Variants in PTK2B observed in about 807,000 individuals in gnomAD.
PTK2B encodes the protein protein tyrosine kinase 2 beta, also known as protein-tyrosine kinase 2-beta.
PTK2B carries 71 observed loss-of-function variants against 142.9 expected under a neutral mutation model. The ratio of observed to expected loss-of-function variants is 0.50; its 90% CI spans 0.41 to 0.61. The LOEUF (loss-of-function observed/expected upper bound fraction) is 0.61, where lower values mean the gene tolerates loss of function less well. Ranked by LOEUF, PTK2B falls within the 20% of genes least tolerant of loss-of-function variation. The pLI is 0.00. For missense variants in PTK2B, 1,105 were observed against 1,320.4 expected (o/e 0.84, Z 2.53); for synonymous variants, 519 against 503.4 (o/e 1.03, Z -0.42).
At chr8:27,419,498 C>T (rs1210883940) in intron 2 of PTK2B, among the ~76,000 whole-genome samples, 1 of 152,158 alleles carries the variant, frequency 6.6e-6, no homozygotes, top group Non-Finnish European at 1.5e-5. Context: ...CTGCAAAGGG[C>T]CTAGCAGTGC....
chr8:27,432,309 C>T lies in PTK2B; in HGVS notation c.935C>T (p.Pro312Leu), dbSNP rs746852655. 46 of 1,613,946 alleles carry T rather than the reference C, an allele frequency of 2.9e-5. No homozygotes were observed. Among genetic ancestry groups the T allele is most frequent in the Admixed American group, 1.7e-4 (10 of 59,998 alleles). ...FKQIRSIRCL[P>L]LEEGQAVLQL... ...CAGATCAGGTCCATCAGGTGCCTCC[C>T]GCTGGAGGAGGGCCAGGCAGTACTT... The change falls in exon 10 of 31, where the codon CCG becomes CTG. Residue 312 changes from proline to leucine, a missense_variant. By Grantham distance (98) the Pro-to-Leu change is moderately conservative (BLOSUM62 -3). Transcript: ENST00000346049.
At chr8:27,419,705 C>T (rs1809624052) in intron 2 of PTK2B, among the ~76,000 whole-genome samples, 190 bp from the exon 3 acceptor site, 1 of 152,326 alleles carries the variant, frequency 6.6e-6, no homozygotes, top group East Asian at 1.9e-4. Context: ...CCTCATTTCA[C>T]CCATTTGTCA....
chr8:27,420,489 G>T (rs555686102), intron 3 of PTK2B, among the ~76,000 whole-genome samples, 168 bp from the exon 4 acceptor site: 2 of 152,168 alleles, frequency 1.3e-5, no homozygotes, highest in African/African-American at 4.8e-5. Context: ...CAGCCCAACC[G>T]CAGAGGAGGG....
chr8:27,403,540 G>A (rs74800977), intron 2 of PTK2B, among the ~76,000 whole-genome samples: 1 of 152,148 alleles, frequency 6.6e-6, no homozygotes, highest in Non-Finnish European at 1.5e-5. Flanking sequence ...TGCTCTTCTG[G>A]ATTTTCTATT....
chr8:27,425,081 A>G (rs1809995601), intron 5 of PTK2B, among the ~76,000 whole-genome samples: 2 of 121,276 alleles, frequency 1.6e-5, no homozygotes, highest in African/African-American at 6.8e-5. Context: ...ACTATAAAAC[A>G]CGTTATGTTT....
At chr8:27,324,106 C>T (rs962758664), upstream of PTK2B, among the ~76,000 whole-genome samples, 2 of 152,228 alleles carry the variant, frequency 1.3e-5, no homozygotes, top group African/African-American at 4.8e-5. Flanking sequence ...GTCAGATGCC[C>T]TCTGACCATG....
At chr8:27,350,037 G>T (rs986749394) in intron 1 of PTK2B, among the ~76,000 whole-genome samples, 1 of 152,220 alleles carries the variant, frequency 6.6e-6, no homozygotes, top group Non-Finnish European at 1.5e-5. Context: ...ATCCTAGCAT[G>T]GAAATGTATA....
Position 27,430,973 on chromosome 8 carries a change from G to A in PTK2B, c.767G>A (p.Gly256Asp). Residue 256 changes from glycine (G) to aspartate (D), a missense_variant, in exon 8 of 31, where the codon GGC becomes GAC. Gly to Asp is a moderately conservative substitution (Grantham distance 94, BLOSUM62 -1). Transcript: ENST00000346049. Reference sequence around the variant, plus strand: ...ATGAAGTTCTTCAACACTCTCGCCGGCTTCGCCAACATCGACCAGGAGACC... The same window carrying A: ...ATGAAGTTCTTCAACACTCTCGCCGACTTCGCCAACATCGACCAGGAGACC... ...CVMKFFNTLAGFANIDQETYR... is the reference protein window; with the variant it reads ...CVMKFFNTLADFANIDQETYR... 6.2e-7 allele frequency: 1 copy of A among 1,614,118 alleles called. No individual in the cohort carries two copies.
intron 1 of PTK2B, among the ~76,000 whole-genome samples, chr8:27,361,983 T>A (rs1446091584): frequency 6.6e-6 from 1 of 152,188 alleles, no homozygotes; most frequent in African/African-American, 2.4e-5. Context: ...TGTTCAAAGG[T>A]GATGCACCGA....
At chr8:27,410,554 A>G (rs916730516) in intron 2 of PTK2B, among the ~76,000 whole-genome samples, 3 of 152,216 alleles carry the variant, frequency 2.0e-5, no homozygotes, top group Non-Finnish European at 4.4e-5. Flanking sequence ...CTAACATCAA[A>G]CATGTTTAAT....
At chr8:27,429,051 T>C (rs1338736135) in intron 5 of PTK2B, among the ~76,000 whole-genome samples, 1 of 152,050 alleles carries the variant, frequency 6.6e-6, no homozygotes, top group Non-Finnish European at 1.5e-5. Flanking sequence ...TCCCGAGTAG[T>C]ACGTGCCACC....
intron 23 of PTK2B, among the ~76,000 whole-genome samples, 169 bp from the exon 24 acceptor site, chr8:27,445,625 T>C (rs1811421752): frequency 2.0e-5 from 3 of 152,172 alleles, no homozygotes; most frequent in Admixed American, 2.0e-4. Flanking sequence ...CCACCATCTC[T>C]CTCGGAGCAA....
At chr8:27,357,844 T>G (rs184503477) in intron 1 of PTK2B, among the ~76,000 whole-genome samples, 123 of 152,346 alleles carry the variant, frequency 8.1e-4, no homozygotes, top group Non-Finnish European at 1.3e-3. Context: ...TTTTACATGC[T>G]AGGGATATGG....
chr8:27,451,059 TGA>T lies in PTK2B; in HGVS notation c.2505_2506del (p.Met835IlefsTer2). 1 of 1,612,994 alleles carries T rather than the reference TGA, an allele frequency of 6.2e-7. No homozygotes were observed. The highest frequency in any genetic ancestry group is 8.5e-7 in the Non-Finnish European group (1 of 1,178,908). On this transcript the variant is annotated frameshift_variant, in exon 26 of 31. Transcript: ENST00000346049. LOFTEE classifies it high-confidence loss of function. ...CCTCTGCAGGACCCCATGGTTTATA[TGA>T]ATGATAAGTCCCCATTGGTGAGTTG... is the stretch of plus-strand genomic sequence containing the variant.
At chr8:27,335,976 C>T (rs1188650518) in intron 1 of PTK2B, among the ~76,000 whole-genome samples, 2 of 152,164 alleles carry the variant, frequency 1.3e-5, no homozygotes, top group Non-Finnish European at 2.9e-5. Context: ...CCATGGATCT[C>T]CTGGGGTGCA....
chr8:27,325,524 A>G (rs546270837), upstream of PTK2B: 1 of 152,564 alleles, frequency 6.6e-6, no homozygotes, highest in African/African-American at 2.4e-5. Context: ...AACAACTCAG[A>G]GGAGGAGGGA....
intron 1 of PTK2B, among the ~76,000 whole-genome samples, chr8:27,332,616 C>G (rs993672523): frequency 2.0e-5 from 3 of 152,058 alleles, no homozygotes; most frequent in Non-Finnish European, 4.4e-5. Context: ...GAATCTCACT[C>G]TGTTGCTCAG....
chr8:27,385,927 G>GGAGATA lies in PTK2B; in HGVS notation c.-37-11615_-37-11610dup, dbSNP rs1387805566. On this transcript the variant is annotated intron_variant, in intron 1 of 30. Coordinates refer to ENST00000346049, the MANE Select transcript of PTK2B (RefSeq NM_173176.3). ...AAAAAAAAAAGACAGTATCCGAGGA[G>GGAGATA]GAGATAGAGATTGATGCATAGGAGA... Among the ~76,000 whole-genome samples, 6 of 150,152 alleles carry GGAGATA rather than the reference G, an allele frequency of 4.0e-5. No individual in the cohort carries two copies. In the East Asian group the frequency reaches 1.2e-3, roughly 29 times the overall value.
Position 27,437,172 on chromosome 8 carries a change from T to C in PTK2B, c.1392T>C (p.Thr464=). The change falls in exon 16 of 31, where the codon ACT becomes ACC. Residue 464 remains threonine (T), a synonymous_variant. Coordinates refer to ENST00000346049, the MANE Select transcript of PTK2B (RefSeq NM_173176.3). ...VAVKTCKKDC[T]LDNKEKFMSE... Reference sequence around the variant, plus strand: ...TCAAGACCTGCAAGAAAGACTGCACTCTGGACAACAAGGAGAAGTTCATGA... The same window carrying C: ...TCAAGACCTGCAAGAAAGACTGCACCCTGGACAACAAGGAGAAGTTCATGA... 6.2e-7 allele frequency: 1 copy of C among 1,613,894 alleles called. No homozygotes were observed.
Sources: allele counts gnomAD v4.1 joint callset (sites outside exome capture counted in the v4.1 genomes callset), GRCh38; gene constraint gnomAD v4.1.1; transcripts MANE v1.5; gene names NCBI Gene and HGNC (gene_info 2026-07-23, HGNC 2026-07-21).